The following NPAS2 variants were observed in gnomAD, a reference collection of about 807,000 sequenced individuals.
The protein encoded by NPAS2 is neuronal PAS domain protein 2, also known as neuronal PAS domain-containing protein 2.
In NPAS2, 23 loss-of-function variants were observed where a neutral mutation model predicts 107.5. The ratio of observed to expected loss-of-function variants is 0.21; its 90% CI spans 0.15 to 0.30. NPAS2 has a LOEUF of 0.30. Ranked by LOEUF, NPAS2 falls within the 10% of genes least tolerant of loss-of-function variation. The pLI is 1.00. For missense variants in NPAS2, 756 were observed against 1,043.3 expected, an observed-to-expected ratio of 0.72 and a Z score of 3.79; for synonymous variants, 403 against 417.5, an observed-to-expected ratio of 0.97 and a Z score of 0.42.
At chr2:100,973,936 A>G (rs1234936485) in intron 12 of NPAS2, among the ~76,000 whole-genome samples, 1 of 152,108 alleles carries the variant, frequency 6.6e-6, no homozygotes, top group Non-Finnish European at 1.5e-5. Context: ...CTGCCTCCGA[A>G]GTTCAAACCA....
At position 100,988,165 on chromosome 2, in the gene NPAS2, T is replaced by A. The variant is rs771305756; in HGVS notation, c.1716T>A (p.Ala572=). 2 of 1,614,220 alleles carry A rather than the reference T, an allele frequency of 1.2e-6. No individual in the cohort carries two copies. The highest frequency in any genetic ancestry group is 4.5e-5 in the East Asian group (2 of 44,882). Residue 572 remains alanine, a synonymous_variant, in exon 17 of 21, where the codon GCT becomes GCA. Transcript: ENST00000335681. ...EAQQQLQQRS[A]AVTQPQLGAG... is the part of the protein sequence containing the mutation. The stretch of plus-strand genomic sequence containing the variant: ...AGCAGCAGCTACAGCAAAGGTCAGC[T>A]GCAGTGACTCAGCCCCAGCTCGGGG...
At chr2:100,993,294 G>A (rs956099670) in intron 19 of NPAS2, 53 bp from the exon 20 acceptor site, 46 of 1,452,914 alleles carry the variant, frequency 3.2e-5, no homozygotes, top group Admixed American at 1.7e-4. Flanking sequence ...TTTTGGTGTC[G>A]TATCAATACT....
chr2:100,991,587 C>G (rs560025648), intron 19 of NPAS2, among the ~76,000 whole-genome samples: 2 of 152,338 alleles, frequency 1.3e-5, no homozygotes, highest in Admixed American at 1.3e-4. Flanking sequence ...CCCCAGGCCC[C>G]TCTCCCTAGA....
intron 2 of NPAS2, among the ~76,000 whole-genome samples, chr2:100,918,182 A>G (rs1386779424): frequency 6.6e-6 from 1 of 152,074 alleles, no homozygotes; most frequent in East Asian, 1.9e-4. Flanking sequence ...GAAAAACCAC[A>G]TGATTATATC....
chr2:100,986,720 A>C (rs1179638743), intron 16 of NPAS2: 1 of 152,222 alleles, frequency 6.6e-6, no homozygotes, highest in Non-Finnish European at 1.5e-5. Flanking sequence ...TTATTTATGA[A>C]TCTACTAATT....
chr2:100,995,463 C>T lies in NPAS2; in HGVS notation c.2356C>T (p.Gln786Ter). 1 of 1,614,148 alleles carries T rather than the reference C, an allele frequency of 6.2e-7. No homozygotes were observed. ...CTCGCTACTTCTCTCCACCTACTCA[C>T]AACAGCCAGGGACCCTGGGCTACCC... is the stretch of plus-strand genomic sequence containing the variant. ...QDSLLLSTYS[Q>*]QPGTLGYPQP... The change falls in exon 21 of 21, where the codon CAA becomes TAA. Residue 786 changes from glutamine (Q) to a stop codon, truncating the protein, a stop_gained. Coordinates refer to ENST00000335681, the MANE Select transcript of NPAS2 (RefSeq NM_002518.4). LOFTEE classifies it high-confidence loss of function.
intron 3 of NPAS2, 33 bp from the exon 4 acceptor site, chr2:100,932,877 G>A (rs1684050715): frequency 6.8e-7 from 1 of 1,466,244 alleles, no homozygotes; most frequent in Non-Finnish European, 9.5e-7. Context: ...AGGTGCCATT[G>A]AATATAAAGG....
chr2:100,988,558 G>A, intron 17 of NPAS2: 1 of 437,504 alleles, frequency 2.3e-6, no homozygotes, highest in Non-Finnish European at 4.2e-6. Context: ...GTTCACCTTT[G>A]ATGCTGACTT....
chr2:100,926,556 G>A (rs1407927238), intron 3 of NPAS2, among the ~76,000 whole-genome samples: 2 of 152,066 alleles, frequency 1.3e-5, no homozygotes, highest in Non-Finnish European at 1.5e-5. Flanking sequence ...TCCTTTTCGT[G>A]ATCTTTTCAT....
chr2:100,951,308 A>G lies in NPAS2; in HGVS notation c.598+1828A>G, dbSNP rs1458027747. Among the ~76,000 whole-genome samples, 3 of 152,240 alleles carry G rather than the reference A, an allele frequency of 2.0e-5. 1 individual carries two copies. The highest frequency in any genetic ancestry group is 4.8e-5 in the African/African-American group (2 of 41,472). On this transcript the variant is annotated intron_variant, in intron 7 of 20. Transcript: ENST00000335681. ...TCAAAAGATTAAACATAGAACTAGC[A>G]TATGATCCAGCAATTCTACTTATGG...
chr2:100,833,541 TG>T (rs1676872868), intron 1 of NPAS2, among the ~76,000 whole-genome samples: 1 of 152,066 alleles, frequency 6.6e-6, no homozygotes, highest in African/African-American at 2.4e-5. Context: ...TAACATGAAG[TG>T]GGGGAAGTGA....
chr2:100,882,566 T>TCA (rs1680434516), intron 1 of NPAS2, among the ~76,000 whole-genome samples: 1 of 152,162 alleles, frequency 6.6e-6, no homozygotes, highest in South Asian at 2.1e-4. Context: ...TGAGCCGAGA[T>TCA]CGCACCACTG....
At chr2:100,835,425 G>A (rs1475469071) in intron 1 of NPAS2, among the ~76,000 whole-genome samples, 1 of 152,190 alleles carries the variant, frequency 6.6e-6, no homozygotes, top group Non-Finnish European at 1.5e-5. Flanking sequence ...GCGGCTGGGT[G>A]CATGCCGGAG....
intron 1 of NPAS2, among the ~76,000 whole-genome samples, chr2:100,861,451 A>G (rs1678935434): frequency 1.3e-5 from 2 of 152,068 alleles, no homozygotes; most frequent in African/African-American, 4.8e-5. Flanking sequence ...CGGGGAGAAC[A>G]GAGGTGTCCT....
chr2:100,889,400 G>C (rs931724021), intron 1 of NPAS2, among the ~76,000 whole-genome samples: 1 of 152,208 alleles, frequency 6.6e-6, no homozygotes, highest in African/African-American at 2.4e-5. Flanking sequence ...GTATCCAGTG[G>C]CTCTTCTAGC....
Position 100,948,259 on chromosome 2 carries a change from T to G in NPAS2, c.388T>G (p.Leu130Val), listed in dbSNP as rs1378093300. 1 of 1,613,294 alleles carries G rather than the reference T, an allele frequency of 6.2e-7. No individual in the cohort carries two copies. The highest frequency in any genetic ancestry group is 8.5e-7 in the Non-Finnish European group (1 of 1,179,854). The change falls in exon 6 of 21, where the codon TTA (leucine) becomes GTA (valine). Residue 130 changes from leucine (L) to valine (V), a missense_variant. Around this residue, in one of 4 missense-constraint regions of NPAS2, gnomAD observed 146 missense variants for 249.6 expected, o/e 0.58. Transcript: ENST00000335681. ...GTCGGATGTCATGGATCAGAATTTG[T>G]TAAATTTCCTCCCAGAACAAGAACA... Reference protein sequence around the residue: ...LPSDVMDQNLLNFLPEQEHSE... With the variant: ...LPSDVMDQNLVNFLPEQEHSE...
At chr2:100,915,950 AAG>A (rs1178735168) in intron 2 of NPAS2, among the ~76,000 whole-genome samples, 1 of 152,186 alleles carries the variant, frequency 6.6e-6, no homozygotes, top group Non-Finnish European at 1.5e-5. Flanking sequence ...TGCAGCATAA[AAG>A]AGGGGAGAAG....
At chr2:100,910,604 C>G (rs1301637097) in intron 2 of NPAS2, among the ~76,000 whole-genome samples, 1 of 151,544 alleles carries the variant, frequency 6.6e-6, no homozygotes, top group African/African-American at 2.4e-5. Context: ...TCTCAGCTCA[C>G]TGCAACCTCT....
In NPAS2 at chr2:100,995,847, T is replaced by G; in HGVS notation, c.*265T>G. 1 of 1,518,320 alleles carries G rather than the reference T, an allele frequency of 6.6e-7. No individual in the cohort carries two copies. Among genetic ancestry groups the G allele is most frequent in the Non-Finnish European group, 8.9e-7 (1 of 1,127,018 alleles). The allele number at this position is 1,518,320 out of a possible 1,614,324, so 94.1% of individuals were successfully genotyped here. A position where few individuals can be genotyped will look rare whatever the true frequency, so the allele number is the denominator to read the frequency against. The stretch of plus-strand genomic sequence containing the variant: ...CTGGACAGGAACCAGGTGCCCCGTG[T>G]AGGCATCGTCGGTCGGTTTGCCGTC... On this transcript the variant is annotated 3_prime_UTR_variant, in exon 21 of 21. Coordinates refer to ENST00000335681, the MANE Select transcript of NPAS2 (RefSeq NM_002518.4).
Sources: gnomAD v4.1 joint callset for allele counts (sites outside exome capture counted in the v4.1 genomes callset) on GRCh38, gnomAD v4.1.1 for gene constraint, gnomAD v4.1.1 regional missense constraint, MANE v1.5 for transcripts, NCBI Gene and HGNC (gene_info 2026-07-23, HGNC 2026-07-21) for gene names.